The following TPD52 variants were observed in gnomAD, a reference collection of about 807,000 sequenced individuals.
TPD52 encodes the protein tumor protein D52.
TPD52 carries 17 observed loss-of-function variants against 31.3 expected under a neutral mutation model. The observed-to-expected ratio is 0.54, with a 90% CI of 0.37 to 0.82. The LOEUF is 0.82. Among genes scored for constraint, TPD52 ranks in the 40% least tolerant of loss-of-function variants. TPD52 has a pLI of 0.00. For synonymous variants in TPD52, 83 were observed against 89.6 expected (o/e 0.93, Z 0.42); for missense variants, 212 against 240.1 (o/e 0.88, Z 0.77).
At chr8:80,072,744 C>A (rs892743921) in intron 1 of TPD52, among the ~76,000 whole-genome samples, 11 of 150,650 alleles carry the variant, frequency 7.3e-5, no homozygotes, top group Admixed American at 4.6e-4. Context: ...TATATACACA[C>A]ACATATATAC....
At chr8:80,122,879 A>G (rs1808353358) in intron 1 of TPD52, 1 of 152,372 alleles carries the variant, frequency 6.6e-6, no homozygotes, top group Non-Finnish European at 1.5e-5. Context: ...GGTAATGAAC[A>G]AGGACATGGC....
chr8:80,162,235 C>T (rs1432687305), intron 1 of TPD52, among the ~76,000 whole-genome samples: 5 of 151,940 alleles, frequency 3.3e-5, no homozygotes, highest in African/African-American at 1.2e-4. Context: ...CAAAATGTCA[C>T]CTGGAAAATA....
chr8:80,038,083 CTGGCAG>C lies in TPD52; in HGVS notation c.*27_*32del. ...TGTGCTTGGACCTCGCTTGCAGCAT[CTGGCAG>C]TGGGTAGCAGAACAAAGGTAGGAAT... On this transcript the variant is annotated 3_prime_UTR_variant, in exon 8 of 8. Transcript: ENST00000518937. The C allele has an allele frequency of 6.2e-7, 1 of 1,609,452 alleles. No homozygotes were observed. Among genetic ancestry groups the C allele is most frequent in the Non-Finnish European group, 8.5e-7 (1 of 1,176,434 alleles).
At chr8:80,071,774 T>A (rs1813816720) in intron 1 of TPD52, among the ~76,000 whole-genome samples, 1 of 152,152 alleles carries the variant, frequency 6.6e-6, no homozygotes, top group Admixed American at 6.5e-5. Flanking sequence ...GTCTCTGACA[T>A]CTGCAAATAT....
chr8:80,100,265 G>A (rs1161117805), intron 1 of TPD52, among the ~76,000 whole-genome samples: 1 of 152,168 alleles, frequency 6.6e-6, no homozygotes, highest in Non-Finnish European at 1.5e-5. Flanking sequence ...TTAGTGTGAA[G>A]ATGATTGCTT....
chr8:80,135,868 A>G (rs935353385), intron 1 of TPD52, among the ~76,000 whole-genome samples: 10 of 140,366 alleles, frequency 7.1e-5, no homozygotes, highest in African/African-American at 2.4e-4. Flanking sequence ...CATTCTCAGT[A>G]AACTATCACA....
At chr8:80,117,586 A>C (rs1037989964) in intron 1 of TPD52, among the ~76,000 whole-genome samples, 2 of 152,206 alleles carry the variant, frequency 1.3e-5, no homozygotes, top group African/African-American at 4.8e-5. Context: ...ATTCAGTGTA[A>C]TGCCTATCAA....
rs140549487 is a variant in TPD52 at position 80,108,007 on chromosome 8, A to AT, written c.20-43415dup. On this transcript the variant is annotated intron_variant, in intron 1 of 7. Coordinates refer to ENST00000518937, the MANE Select transcript of TPD52 (RefSeq NM_001025253.3). ...TCAGTCATGGAAGTAAAAAACTGTG[A>AT]TACCTGCCTGATTTGTCAAGAAAAA... Among the ~76,000 whole-genome samples, 787 of 152,296 alleles carry AT rather than the reference A, an allele frequency of 5.2e-3. 7 individuals are homozygous for AT. Among genetic ancestry groups the AT allele is most frequent in the African/African-American group, 0.018 (746 of 41,572 alleles).
chr8:80,032,682 G>C (rs554147161), downstream of TPD52: 1 of 152,324 alleles, frequency 6.6e-6, no homozygotes, highest in East Asian at 1.9e-4. Context: ...GGTGATGAGT[G>C]TAAGATGCCT....
At chr8:80,046,933 G>A (rs1197995622) in intron 5 of TPD52, among the ~76,000 whole-genome samples, 2 of 152,180 alleles carry the variant, frequency 1.3e-5, no homozygotes, top group Admixed American at 1.3e-4. Context: ...GGGAGGATAA[G>A]GAAGGAAGTA....
At chr8:80,115,803 C>T (rs578025794) in intron 1 of TPD52, among the ~76,000 whole-genome samples, 5 of 152,186 alleles carry the variant, frequency 3.3e-5, no homozygotes, top group African/African-American at 1.2e-4. Context: ...GAAGCCAGAA[C>T]GGAAATGGAG....
chr8:80,076,888 AACTCATG>A (rs930392022), intron 1 of TPD52, among the ~76,000 whole-genome samples: 3 of 152,092 alleles, frequency 2.0e-5, no homozygotes, highest in Admixed American at 6.5e-5. Flanking sequence ...GCTGGTCACA[AACTCATG>A]AGCTCAAGTG....
chr8:80,064,651 A>T, intron 1 of TPD52, 58 bp from the exon 2 acceptor site: 1 of 1,255,686 alleles, frequency 8.0e-7, no homozygotes. Context: ...ATCCCTATTT[A>T]AGCTCCTCCA....
intron 1 of TPD52, among the ~76,000 whole-genome samples, chr8:80,152,376 T>C (rs1810635494): frequency 6.6e-6 from 1 of 152,112 alleles, no homozygotes. Context: ...AATGCTGTGA[T>C]GAAAACACCC....
chr8:80,092,140 A>C (rs912267404), intron 1 of TPD52, among the ~76,000 whole-genome samples: 13 of 152,162 alleles, frequency 8.5e-5, no homozygotes, highest in African/African-American at 3.1e-4. Context: ...TATCACCTCG[A>C]GTATTCGTCA....
intron 1 of TPD52, among the ~76,000 whole-genome samples, chr8:80,146,307 A>G (rs763389135): frequency 2.0e-5 from 3 of 152,226 alleles, no homozygotes; most frequent in African/African-American, 4.8e-5. Context: ...CTTATTTACC[A>G]GGTGTGCTGG....
At chr8:80,133,838 G>C (rs1041033582) in intron 1 of TPD52, among the ~76,000 whole-genome samples, 5 of 151,960 alleles carry the variant, frequency 3.3e-5, no homozygotes, top group Non-Finnish European at 7.4e-5. Context: ...GGCAAGGAGG[G>C]GGAGGATATT....
In TPD52 at chr8:80,152,780, C is replaced by CAAAAAAAAAAAAAAAAAAA. The variant is rs57456374; in HGVS notation, c.19+18644_19+18645insTTTTTTTTTTTTTTTTTTT. 7.2e-5 allele frequency among the ~76,000 whole-genome samples: 6 copies of CAAAAAAAAAAAAAAAAAAA among 83,546 alleles called. 1 individual carries two copies. Among genetic ancestry groups the CAAAAAAAAAAAAAAAAAAA allele is most frequent in the African/African-American group, 2.1e-4 (4 of 19,420 alleles). 54.8% of individuals were successfully genotyped at this position (83,546 alleles called of 152,430 possible). On this transcript the variant is annotated intron_variant, in intron 1 of 7. Transcript: ENST00000518937. ...TGGGCGAAAGTGTGAGACTCCGTCT[C>CAAAAAAAAAAAAAAAAAAA]AAAAAAAAAAAAAAAAAATGCCAGG... is the stretch of plus-strand genomic sequence containing the variant.
chr8:80,160,831 C>T (rs1169900488), intron 1 of TPD52, among the ~76,000 whole-genome samples: 1 of 144,268 alleles, frequency 6.9e-6, no homozygotes, highest in Non-Finnish European at 1.5e-5. Flanking sequence ...ATTGCCTGAG[C>T]TCAGGAGTTC....
Sources: allele counts gnomAD v4.1 joint callset (sites outside exome capture counted in the v4.1 genomes callset), GRCh38; gene constraint gnomAD v4.1.1; transcripts MANE v1.5; gene names NCBI Gene and HGNC (gene_info 2026-07-23, HGNC 2026-07-21).